ATOSA: variants seen among roughly 807,000 people sequenced by gnomAD.
ATOSA encodes atos homolog A.
At chr15:52,688,788 C>A in the ATOSA span, among the ~76,000 whole-genome samples, 151,291 of 152,328 alleles carry the variant, frequency 0.99, 75,136 homozygotes, top group Middle Eastern at 1. Context: ...TCAGGAAGGA[C>A]AGGGTGTTTA....
At chr15:52,651,709 A>G in the ATOSA span, among the ~76,000 whole-genome samples, 5 of 152,334 alleles carry the variant, frequency 3.3e-5, no homozygotes, top group East Asian at 1.9e-4. Flanking sequence ...ATATGAAGCT[A>G]AAGAAAATTC....
chr15:52,615,663 T>C, the ATOSA span, among the ~76,000 whole-genome samples: 3 of 152,354 alleles, frequency 2.0e-5, no homozygotes, highest in South Asian at 6.2e-4. Flanking sequence ...GAATGCTCTT[T>C]TCCAGCTTCA....
At chr15:52,632,778 T>C in the ATOSA span, among the ~76,000 whole-genome samples, 5 of 152,226 alleles carry the variant, frequency 3.3e-5, no homozygotes, top group Non-Finnish European at 5.9e-5. Flanking sequence ...AAATTATTGA[T>C]TTCATGAAGT....
the ATOSA span, among the ~76,000 whole-genome samples, chr15:52,620,725 G>T: frequency 6.6e-6 from 1 of 151,922 alleles, no homozygotes; most frequent in Non-Finnish European, 1.5e-5. Context: ...GAGGCAGGCT[G>T]ATTGCTTGAG....
the ATOSA span, among the ~76,000 whole-genome samples, chr15:52,630,211 G>T: frequency 2.0e-5 from 3 of 152,072 alleles, no homozygotes; most frequent in African/African-American, 7.2e-5. Flanking sequence ...AAAAACTAAT[G>T]TTCTACAACT....
At chr15:52,608,643 G>A in the ATOSA span, 1 of 1,609,958 alleles carries the variant, frequency 6.2e-7, no homozygotes, top group East Asian at 2.2e-5. Flanking sequence ...AATAGTTTTG[G>A]GATTTTTCAT....
the ATOSA span, chr15:52,678,110 C>T: frequency 6.7e-7 from 1 of 1,494,598 alleles, no homozygotes; most frequent in Non-Finnish European, 9.3e-7. Flanking sequence ...GCTTCTGCTT[C>T]GCTTTCAAAA....
the ATOSA span, among the ~76,000 whole-genome samples, chr15:52,672,172 C>CTAAAAAAAAA: frequency 1.6e-5 from 1 of 62,552 alleles, no homozygotes; most frequent in East Asian, 3.2e-4. Context: ...CCCCATTTCT[C>CTAAAAAAAAA]AAAAAAAAAA....
At chr15:52,582,460 C>T in the ATOSA span, among the ~76,000 whole-genome samples, 1 of 152,214 alleles carries the variant, frequency 6.6e-6, no homozygotes, top group African/African-American at 2.4e-5. Flanking sequence ...TTTCTAAAGA[C>T]CAAAGCATAT....
chr15:52,597,165 G>GTTCTA, the ATOSA span, among the ~76,000 whole-genome samples: 97 of 24,696 alleles, frequency 3.9e-3, no homozygotes, highest in Middle Eastern at 0.017. Context: ...GTTCTGTTCT[G>GTTCTA]TTCTATTCTA....
At chr15:52,593,787 AT>A in the ATOSA span, 22 of 1,482,816 alleles carry the variant, frequency 1.5e-5, no homozygotes, top group South Asian at 3.9e-5. Flanking sequence ...TAACACATTC[AT>A]TTTTTTTCTA....
chr15:52,681,249 G>T, the ATOSA span, among the ~76,000 whole-genome samples: 1 of 152,264 alleles, frequency 6.6e-6, no homozygotes, highest in East Asian at 1.9e-4. Flanking sequence ...TTTAAAAGGT[G>T]TATTTCTGAC....
the ATOSA span, among the ~76,000 whole-genome samples, chr15:52,684,344 G>A: frequency 6.6e-6 from 1 of 152,098 alleles, no homozygotes; most frequent in African/African-American, 2.4e-5. Flanking sequence ...AGACCATCCC[G>A]GGCAACATAG....
the ATOSA span, among the ~76,000 whole-genome samples, chr15:52,691,510 GAAACTAT>G: frequency 3.3e-5 from 5 of 152,192 alleles, no homozygotes; most frequent in African/African-American, 1.2e-4. Context: ...TGGCCTTAAG[GAAACTAT>G]AAACTATTAA....
the ATOSA span, among the ~76,000 whole-genome samples, chr15:52,635,068 A>G: frequency 6.6e-6 from 1 of 152,228 alleles, no homozygotes; most frequent in Non-Finnish European, 1.5e-5. Context: ...CTACTTTATA[A>G]TGATAAAAAA....
the ATOSA span, chr15:52,678,269 C>T: frequency 3.3e-6 from 2 of 603,054 alleles, no homozygotes; most frequent in Non-Finnish European, 5.9e-6. Flanking sequence ...CTCTCTGCAC[C>T]GCCTCCCCCA....
chr15:52,600,975 A>G, the ATOSA span: 2 of 728,616 alleles, frequency 2.7e-6, no homozygotes, highest in African/African-American at 1.8e-5. Context: ...CATACTCTAA[A>G]TAAGATTCCT....
chr15:52,582,043 T>A, the ATOSA span: 2 of 849,452 alleles, frequency 2.4e-6, no homozygotes, highest in African/African-American at 1.8e-5. Flanking sequence ...TGGTCCAGGA[T>A]AACAGGAGAG....
chr15:52,606,827 G>A, the ATOSA span, among the ~76,000 whole-genome samples: 7 of 152,114 alleles, frequency 4.6e-5, no homozygotes, highest in African/African-American at 1.7e-4. Context: ...CTCTGTCCAG[G>A]AAAGCTAATT....
Sources: gnomAD v4.1 joint callset for allele counts (sites outside exome capture counted in the v4.1 genomes callset) on GRCh38, gnomAD v4.1.1 for gene constraint, MANE v1.5 for transcripts, NCBI Gene and HGNC (gene_info 2026-07-23, HGNC 2026-07-21) for gene names.